The following LRRC40 variants were observed in gnomAD, a reference collection of about 807,000 sequenced individuals.
LRRC40 encodes leucine rich repeat containing 40.
In LRRC40, 76 loss-of-function variants were observed where a neutral mutation model predicts 72.8. The observed-to-expected ratio is 1.04, with a 90% CI of 0.87 to 1.26. The LOEUF (loss-of-function observed/expected upper bound fraction) is 1.26, where lower values mean the gene tolerates loss of function less well. LRRC40 is among the 50% of genes most tolerant of loss of function. The probability of loss-of-function intolerance (pLI) is 0.00; values close to 1 mark genes in which losing one functional copy is unlikely to be tolerated. For missense variants in LRRC40, 684 were observed against 698.9 expected (o/e 0.98, Z 0.24); for synonymous variants, 243 against 254.2 (o/e 0.96, Z 0.42).
chr1:70,167,230 TAAAAAAAA>T (rs376215808), intron 9 of LRRC40, among the ~76,000 whole-genome samples: 2 of 126,938 alleles, frequency 1.6e-5, no homozygotes, highest in Non-Finnish European at 3.5e-5. Context: ...TAAAAAGTGT[TAAAAAAAA>T]AAAAAAAAAG....
At chr1:70,155,561 T>G (rs890187136) in intron 11 of LRRC40, 128 bp downstream of exon 11, 15 of 414,182 alleles carry the variant, frequency 3.6e-5, no homozygotes, top group Non-Finnish European at 4.7e-5. Flanking sequence ...CCTCTAATAT[T>G]AATAATGTAA....
chr1:70,167,284 G>T (rs1667904009), intron 9 of LRRC40, among the ~76,000 whole-genome samples: 1 of 151,776 alleles, frequency 6.6e-6, no homozygotes, highest in Non-Finnish European at 1.5e-5. Flanking sequence ...ACTGAGCTGA[G>T]CGTGGTGGCT....
Position 70,151,121 on chromosome 1 carries a change from C to A in LRRC40, c.1517+7G>T, listed in dbSNP as rs199633531. 283 of 1,453,430 alleles carry A rather than the reference C, an allele frequency of 1.9e-4. No homozygotes were observed. In the African/African-American group the frequency reaches 3.6e-3, roughly 19 times the overall value. The allele number at this position is 1,453,430 out of a possible 1,614,324, so 90.0% of individuals were successfully genotyped here. A position where few individuals can be genotyped will look rare whatever the true frequency, so the allele number is the denominator to read the frequency against. ...AGAATAACAATTAGAATTGTCTGTT[C>A]TCTTACCTATTAAAGGAAAGATTGA... On this transcript the variant is annotated splice_region_variant and intron_variant, in intron 13 of 14. Coordinates refer to ENST00000370952, the MANE Select transcript of LRRC40 (RefSeq NM_017768.5).
At chr1:70,188,445 G>A (rs1159150852) in intron 2 of LRRC40, among the ~76,000 whole-genome samples, 1 of 152,030 alleles carries the variant, frequency 6.6e-6, no homozygotes, top group Non-Finnish European at 1.5e-5. Flanking sequence ...GATAAAAATT[G>A]TAACAATAGG....
intron 2 of LRRC40, among the ~76,000 whole-genome samples, chr1:70,188,593 G>T (rs559125370): frequency 1.9e-4 from 29 of 151,860 alleles, no homozygotes; most frequent in Admixed American, 1.5e-3. Context: ...AAAAATAGCC[G>T]GGTGTGGTGG....
At chr1:70,170,695 T>C (rs1667982656) in intron 9 of LRRC40, among the ~76,000 whole-genome samples, 1 of 152,136 alleles carries the variant, frequency 6.6e-6, no homozygotes, top group Non-Finnish European at 1.5e-5. Flanking sequence ...CTGAAAACTA[T>C]AAAACATTGT....
intron 9 of LRRC40, among the ~76,000 whole-genome samples, chr1:70,163,423 C>G (rs1032793675): frequency 3.3e-5 from 5 of 152,066 alleles, no homozygotes; most frequent in African/African-American, 1.2e-4. Context: ...GATTCCTTGC[C>G]CTTTCCAACT....
At chr1:70,171,504 A>C (rs899110764) in intron 9 of LRRC40, among the ~76,000 whole-genome samples, 2 of 152,134 alleles carry the variant, frequency 1.3e-5, no homozygotes. Flanking sequence ...ATTTAAAAAA[A>C]CAATTAAAAA....
chr1:70,153,504 CTT>C (rs1404261548), intron 11 of LRRC40, among the ~76,000 whole-genome samples: 1 of 151,802 alleles, frequency 6.6e-6, no homozygotes. Context: ...ACTGATAAAA[CTT>C]GATAAAACTT....
intron 7 of LRRC40, among the ~76,000 whole-genome samples, chr1:70,174,566 G>A (rs1049783361): frequency 2.0e-5 from 3 of 151,894 alleles, no homozygotes; most frequent in Non-Finnish European, 4.4e-5. Flanking sequence ...CATGAACTGC[G>A]GTATATCTAT....
chr1:70,197,741 G>C (rs1668647019), intron 1 of LRRC40, among the ~76,000 whole-genome samples: 1 of 151,894 alleles, frequency 6.6e-6, no homozygotes, highest in Non-Finnish European at 1.5e-5. Flanking sequence ...TAAAGAGACA[G>C]AGAAGAAATA....
chr1:70,165,619 C>G (rs1667864520), intron 9 of LRRC40, among the ~76,000 whole-genome samples: 1 of 151,938 alleles, frequency 6.6e-6, no homozygotes, highest in Admixed American at 6.6e-5. Context: ...AATCCCTTTT[C>G]TACCTCTAAA....
At chr1:70,170,824 T>C (rs1299259905) in intron 9 of LRRC40, among the ~76,000 whole-genome samples, 3 of 152,162 alleles carry the variant, frequency 2.0e-5, no homozygotes, top group Non-Finnish European at 2.9e-5. Flanking sequence ...TTTATCTTTG[T>C]AGAAATTCAC....
intron 11 of LRRC40, among the ~76,000 whole-genome samples, chr1:70,154,201 G>T (rs923544722): frequency 2.6e-5 from 4 of 152,118 alleles, no homozygotes; most frequent in Admixed American, 6.5e-5. Flanking sequence ...AAAAGGGAAA[G>T]TGGTTTGGGA....
chr1:70,163,211 G>T (rs1667803995), intron 9 of LRRC40, among the ~76,000 whole-genome samples: 1 of 151,984 alleles, frequency 6.6e-6, no homozygotes, highest in African/African-American at 2.4e-5. Context: ...GAGTAGCTGG[G>T]ATTACAGGCA....
chr1:70,202,193 T>G (rs760532921), intron 1 of LRRC40, among the ~76,000 whole-genome samples: 1 of 152,254 alleles, frequency 6.6e-6, no homozygotes, highest in Non-Finnish European at 1.5e-5. Flanking sequence ...GCTCCTAGGC[T>G]CTTATCCAAA....
Position 70,162,912 on chromosome 1 carries a change from T to G in LRRC40, c.1112-3474A>C, listed in dbSNP as rs571581461. 3.3e-5 allele frequency among the ~76,000 whole-genome samples: 5 copies of G among 152,288 alleles called. No homozygotes were observed. In the South Asian group the frequency reaches 1.0e-3, roughly 32 times the overall value. On this transcript the variant is annotated intron_variant, in intron 9 of 14. Coordinates refer to ENST00000370952, the MANE Select transcript of LRRC40 (RefSeq NM_017768.5). ...TGGCATAAATTATTTTATGCCCAAT[T>G]TATGAGTTTTCTATGGTTGCTTTAA...
intron 10 of LRRC40, among the ~76,000 whole-genome samples, chr1:70,158,519 ATACTT>A (rs1261744656): frequency 1.3e-5 from 2 of 152,204 alleles, no homozygotes; most frequent in African/African-American, 4.8e-5. Flanking sequence ...TACTGAAAGG[ATACTT>A]TACAACTACC....
chr1:70,184,950 T>A, intron 3 of LRRC40, 36 bp from the exon 4 acceptor site: 1 of 1,512,922 alleles, frequency 6.6e-7, no homozygotes, highest in Non-Finnish European at 9.1e-7. Flanking sequence ...AATAATTTAG[T>A]GGCAATACAA....
Sources: allele counts gnomAD v4.1 joint callset (sites outside exome capture counted in the v4.1 genomes callset), GRCh38; gene constraint gnomAD v4.1.1; transcripts MANE v1.5; gene names NCBI Gene and HGNC (gene_info 2026-07-23, HGNC 2026-07-21).